Variants in BBOF1 observed in about 807,000 individuals in gnomAD.
BBOF1 encodes basal body-orientation factor 1.
Under a neutral mutation model 68.0 loss-of-function variants are expected in BBOF1, and 62 were observed. The ratio of observed to expected loss-of-function variants is 0.91; its 90% confidence interval spans 0.74 to 1.13. The LOEUF is 1.13. Among genes scored for constraint, BBOF1 ranks in the 50% most tolerant of loss-of-function variants. The probability of loss-of-function intolerance (pLI) is 0.00; values close to 1 mark genes in which losing one functional copy is unlikely to be tolerated. For synonymous variants in BBOF1, 208 were observed against 198.8 expected, an observed-to-expected ratio of 1.05 and a Z score of -0.39; for missense variants, 534 against 600.1, an observed-to-expected ratio of 0.89 and a Z score of 1.15.
At chr14:74,061,757 C>T (rs1288703800) in intron 11 of BBOF1, among the ~76,000 whole-genome samples, 1 of 151,896 alleles carries the variant, frequency 6.6e-6, no homozygotes, top group Non-Finnish European at 1.5e-5. Context: ...CATGTGAGCC[C>T]AAAAATTCAG....
chr14:74,031,155 C>T (rs1489688809), intron 3 of BBOF1, among the ~76,000 whole-genome samples: 1 of 150,530 alleles, frequency 6.6e-6, no homozygotes, highest in Non-Finnish European at 1.5e-5. Flanking sequence ...CCTCTGTTGC[C>T]CAAGCTGGAG....
chr14:74,027,766 A>G lies in BBOF1; in HGVS notation c.286-1418A>G, dbSNP rs186267978. On this transcript the variant is annotated intron_variant, in intron 2 of 11. Transcript: ENST00000394009. Reference sequence around the variant, plus strand: ...AAAAACATACAACCTGAATCTACTCATGAAGAAGCATCAGCTAAGCCCAAC... The same window carrying G: ...AAAAACATACAACCTGAATCTACTCGTGAAGAAGCATCAGCTAAGCCCAAC... 2.6e-5 allele frequency among the ~76,000 whole-genome samples: 4 copies of G among 152,236 alleles called. No individual in the cohort carries two copies. The East Asian group carries it at 7.7e-4, about 29-fold the overall frequency.
At chr14:74,072,360 G>A (rs1316321454) in intron 9 of BBOF1, 1 of 1,614,048 alleles carries the variant, frequency 6.2e-7, no homozygotes, top group African/African-American at 1.3e-5. Context: ...GACCTCATTG[G>A]TGGCCTGATG....
chr14:74,028,169 A>C (rs1368139519), intron 2 of BBOF1, among the ~76,000 whole-genome samples: 1 of 152,068 alleles, frequency 6.6e-6, no homozygotes, highest in African/African-American at 2.4e-5. Flanking sequence ...GAAGTTCGAG[A>C]CCAGCCTGGC....
intron 10 of BBOF1, among the ~76,000 whole-genome samples, chr14:74,079,511 G>A (rs1040731835): frequency 4.7e-5 from 7 of 149,778 alleles, no homozygotes; most frequent in African/African-American, 1.5e-4. Flanking sequence ...TTGGCTCACC[G>A]CAAGCTCCGC....
intron 4 of BBOF1, among the ~76,000 whole-genome samples, chr14:74,036,305 C>G (rs546528306): frequency 6.6e-6 from 1 of 152,300 alleles, no homozygotes; most frequent in African/African-American, 2.4e-5. Context: ...GCTCTGCCCA[C>G]CTCGGCCTCC....
At chr14:74,061,564 G>T (rs1422533593) in intron 11 of BBOF1, among the ~76,000 whole-genome samples, 1 of 149,480 alleles carries the variant, frequency 6.7e-6, no homozygotes, top group East Asian at 2.3e-4. Flanking sequence ...GACCTCAGGT[G>T]ATCCGCCAGT....
rs773854633 is a variant in BBOF1, at chr14:74,064,851, T to A, written c.*152T>A. The A allele has an allele frequency of 1.5e-5, 25 of 1,613,904 alleles. No homozygotes were observed. The highest frequency in any genetic ancestry group is 2.0e-5 in the Non-Finnish European group (24 of 1,179,986). On this transcript the variant is annotated 3_prime_UTR_variant, in exon 12 of 12. Coordinates refer to ENST00000394009, the MANE Select transcript of BBOF1 (RefSeq NM_025057.3). ...TTGCCATAGAAATTGGTGTCTCCCCTGAAGGAGGATCGAGAGCCGGTGAAT... is the reference window on the plus strand; with the variant it reads ...TTGCCATAGAAATTGGTGTCTCCCCAGAAGGAGGATCGAGAGCCGGTGAAT...
In BBOF1 at chr14:74,055,602, T is replaced by C. The variant is rs142448441; in HGVS notation, c.1305T>C (p.Asn435=). ...EAEKWTHIEG[N]VDIGDLTWEQ... ...TCTTTAGGACACATATTGAAGGAAA[T>C]GTGGATATTGGAGATTTGACCTGGG... Residue 435 remains asparagine, a synonymous_variant, in exon 9 of 12, where the codon AAT becomes AAC. Transcript: ENST00000394009. The C allele has an allele frequency of 4.8e-5, 77 of 1,613,354 alleles. 1 individual carries two copies. The African/African-American group carries it at 8.0e-4, about 17-fold the overall frequency.
At chr14:74,037,156 G>T (rs11159060) in intron 4 of BBOF1, among the ~76,000 whole-genome samples, 16,631 of 148,712 alleles carry the variant, frequency 0.11, 1,210 homozygotes, top group Admixed American at 0.19. Context: ...GTATTTTTTA[G>T]TAGAGACAGG....
chr14:74,069,320 T>C, downstream of BBOF1: 1 of 335,176 alleles, frequency 3.0e-6, no homozygotes, highest in Non-Finnish European at 5.8e-6. Context: ...GCCAGGCTGG[T>C]CTTGAACTCC....
At chr14:74,059,133 G>A in intron 11 of BBOF1, 1 of 176,356 alleles carries the variant, frequency 5.7e-6, no homozygotes, top group Non-Finnish European at 1.2e-5. Flanking sequence ...ACTAATGGCA[G>A]AAGAAGACTG....
intron 5 of BBOF1, among the ~76,000 whole-genome samples, chr14:74,042,168 C>T (rs928030097): frequency 6.6e-6 from 1 of 152,236 alleles, no homozygotes; most frequent in Non-Finnish European, 1.5e-5. Context: ...AGCTACCATG[C>T]CTTGCTCCTA....
chr14:74,065,589 C>T lies in BBOF1; in HGVS notation c.*890C>T. On this transcript the variant is annotated 3_prime_UTR_variant, in exon 12 of 12. Coordinates refer to ENST00000394009, the MANE Select transcript of BBOF1 (RefSeq NM_025057.3). ...ACTTGGAATTCCTATCAACAATAAC[C>T]ACACTTCCTTTAAGGGACTGTATCT... 1.9e-6 allele frequency: 1 copy of T among 539,098 alleles called. No individual in the cohort carries two copies. The highest frequency in any genetic ancestry group is 2.0e-5 in the South Asian group (1 of 48,830). 33.4% of individuals were successfully genotyped at this position (539,098 alleles called of 1,614,324 possible).
downstream of BBOF1, among the ~76,000 whole-genome samples, chr14:74,069,842 A>C (rs2060524502): frequency 6.7e-6 from 1 of 149,264 alleles, no homozygotes; most frequent in Non-Finnish European, 1.5e-5. Context: ...TTCTACTTCT[A>C]ATCTAACCTT....
chr14:74,070,581 G>T (rs1163497007), downstream of BBOF1: 1 of 155,452 alleles, frequency 6.4e-6, no homozygotes, highest in Non-Finnish European at 1.4e-5. Flanking sequence ...AGACACTATT[G>T]TGTTCTCATG....
At chr14:74,022,791 G>A (rs1356605797) in intron 1 of BBOF1, 125 bp from the exon 2 acceptor site, 2 of 415,196 alleles carry the variant, frequency 4.8e-6, no homozygotes, top group Non-Finnish European at 8.6e-6. Context: ...TGTGTGCCAG[G>A]CAATGCCAAG....
chr14:74,068,982 C>T (rs1264496332), downstream of BBOF1: 1 of 1,613,398 alleles, frequency 6.2e-7, no homozygotes, highest in Non-Finnish European at 8.5e-7. Context: ...AAATTTACAG[C>T]TTTAAGAAGA....
At chr14:74,025,159 C>T (rs74644366) in intron 2 of BBOF1, among the ~76,000 whole-genome samples, 4,485 of 152,198 alleles carry the variant, frequency 0.029, 224 homozygotes, top group African/African-American at 0.1. Flanking sequence ...TTTTAGTCAA[C>T]CATAGAAATA....
Sources: gnomAD v4.1 joint callset for allele counts (sites outside exome capture counted in the v4.1 genomes callset) on GRCh38, gnomAD v4.1.1 for gene constraint, MANE v1.5 for transcripts, NCBI Gene and HGNC (gene_info 2026-07-23, HGNC 2026-07-21) for gene names.